DLG2: variants seen among roughly 807,000 people sequenced by gnomAD.
DLG2 encodes the protein disks large homolog 2.
In DLG2, 45 loss-of-function variants were observed where a neutral mutation model predicts 132.5. That is an observed-to-expected ratio of 0.34 (90% confidence interval 0.27 to 0.44). The LOEUF (loss-of-function observed/expected upper bound fraction) is 0.44. Among genes scored for constraint, DLG2 ranks in the 20% least tolerant of loss-of-function variants. The pLI, the probability that DLG2 is intolerant of heterozygous loss-of-function variation, is 1.00. For synonymous variants in DLG2, 424 were observed against 419.6 expected (o/e 1.01, Z -0.13); for missense variants, 1,045 against 1,196.9 (o/e 0.87, Z 1.87).
rs374015051 is a variant in DLG2, at chr11:85,417,900, T to C, written c.41-132535A>G. 1.4e-3 allele frequency among the ~76,000 whole-genome samples: 218 copies of C among 152,274 alleles called. 1 individual carries two copies. Among genetic ancestry groups the C allele is most frequent in the African/African-American group, 5.2e-3 (217 of 41,570 alleles). ...AACAAAAAAACAGCTCCTGGATTCA[T>C]TGATTTTTTTGAAGGGTTTTTAATG... is the stretch of plus-strand genomic sequence containing the variant. On this transcript the variant is annotated intron_variant, in intron 3 of 27. Transcript: ENST00000376104.
At chr11:85,554,063 G>GA (rs1482491522) in intron 3 of DLG2, among the ~76,000 whole-genome samples, 13 of 150,582 alleles carry the variant, frequency 8.6e-5, no homozygotes, top group Admixed American at 2.0e-4. Flanking sequence ...TATTTGAGAA[G>GA]AAAAAATACT....
At chr11:84,128,917 T>C (rs2094299840) in intron 9 of DLG2, among the ~76,000 whole-genome samples, 1 of 152,164 alleles carries the variant, frequency 6.6e-6, no homozygotes. Context: ...TTTTTTGGCA[T>C]GTTCTGCTAG....
At chr11:84,771,021 A>G (rs1342035163) in intron 6 of DLG2, among the ~76,000 whole-genome samples, 1 of 152,096 alleles carries the variant, frequency 6.6e-6, no homozygotes, top group Non-Finnish European at 1.5e-5. Context: ...TATCCAGACA[A>G]CTATTTATGG....
At chr11:83,782,125 A>G (rs529180078) in intron 18 of DLG2, among the ~76,000 whole-genome samples, 1 of 152,290 alleles carries the variant, frequency 6.6e-6, no homozygotes, top group East Asian at 1.9e-4. Context: ...GAAAACCAAA[A>G]GGCACCATCT....
intron 5 of DLG2, among the ~76,000 whole-genome samples, chr11:85,139,745 T>C (rs1232718663): frequency 6.6e-6 from 1 of 152,022 alleles, no homozygotes; most frequent in African/African-American, 2.4e-5. Flanking sequence ...TCATAGTACA[T>C]ATCTGCTAGT....
At chr11:85,092,034 T>C (rs931488760) in intron 6 of DLG2, among the ~76,000 whole-genome samples, 1 of 152,202 alleles carries the variant, frequency 6.6e-6, no homozygotes, top group Non-Finnish European at 1.5e-5. Context: ...ATGGCAGCAA[T>C]AGGCTTATGG....
chr11:84,961,526 T>TTGTGTGTGTGTG (rs71465017), intron 6 of DLG2, among the ~76,000 whole-genome samples: 2 of 143,786 alleles, frequency 1.4e-5, no homozygotes, highest in Non-Finnish European at 3.1e-5. Flanking sequence ...AATTGTATCT[T>TTGTGTGTGTGTG]TGTGTGTGTG....
chr11:84,973,527 G>T (rs592599), intron 6 of DLG2, among the ~76,000 whole-genome samples: 23 of 152,100 alleles, frequency 1.5e-4, no homozygotes, highest in Admixed American at 2.6e-4. Flanking sequence ...GTCAGCAAAA[G>T]GTAATCCGAG....
intron 6 of DLG2, among the ~76,000 whole-genome samples, chr11:84,833,061 T>TAC (rs2079243585): frequency 9.8e-6 from 1 of 102,330 alleles, no homozygotes; most frequent in Non-Finnish European, 2.4e-5. Context: ...CAAAATGAAC[T>TAC]ATAGAAAAAT....
At chr11:85,093,054 C>G (rs75702670) in intron 6 of DLG2, among the ~76,000 whole-genome samples, 2,973 of 152,280 alleles carry the variant, frequency 0.02, 51 homozygotes, top group Admixed American at 0.041. Flanking sequence ...CAATTACACT[C>G]CTTTTAGACA....
At chr11:85,353,238 T>C (rs1015136272) in intron 3 of DLG2, among the ~76,000 whole-genome samples, 4 of 152,010 alleles carry the variant, frequency 2.6e-5, no homozygotes, top group Non-Finnish European at 5.9e-5. Context: ...TGTGAAAAAA[T>C]GCTCATCATT....
At chr11:85,126,874 T>C (rs1022983424) in intron 5 of DLG2, among the ~76,000 whole-genome samples, 4 of 152,174 alleles carry the variant, frequency 2.6e-5, no homozygotes, top group Non-Finnish European at 4.4e-5. Flanking sequence ...TAGGTACCCT[T>C]TCATGGATGA....
At chr11:85,101,580 T>G (rs349084) in intron 6 of DLG2, among the ~76,000 whole-genome samples, 77,864 of 151,898 alleles carry the variant, frequency 0.51, 20,367 homozygotes, top group East Asian at 0.66. Context: ...GTACTTTTTT[T>G]GACACAGAAA....
At chr11:84,413,265 C>T (rs1215404878) in intron 7 of DLG2, among the ~76,000 whole-genome samples, 2 of 152,148 alleles carry the variant, frequency 1.3e-5, no homozygotes, top group Non-Finnish European at 2.9e-5. Context: ...CATGTCTCCA[C>T]CTGAATCTGC....
At position 85,150,010 on chromosome 11, in the gene DLG2, A is replaced by ATTTTTTTTT. The variant is rs962380618; in HGVS notation, c.282+4537_282+4545dup. Among the ~76,000 whole-genome samples, 188 of 112,308 alleles carry ATTTTTTTTT rather than the reference A, an allele frequency of 1.7e-3. 6 individuals are homozygous for ATTTTTTTTT. The highest frequency in any genetic ancestry group is 6.6e-3 in the African/African-American group (172 of 26,098). 73.7% of individuals were successfully genotyped at this position (112,308 alleles called of 152,430 possible). A position where few individuals can be genotyped will look rare whatever the true frequency, so the allele number is the denominator to read the frequency against. ...ATTAACTCAAAAACATCAGTTTTTA[A>ATTTTTTTTT]TTTTTTTTTTTTTTTTTTTTTTTTT... On this transcript the variant is annotated intron_variant, in intron 5 of 27. Transcript: ENST00000376104.
intron 6 of DLG2, among the ~76,000 whole-genome samples, chr11:85,054,497 T>C (rs934750780): frequency 2.0e-5 from 3 of 152,170 alleles, no homozygotes; most frequent in Non-Finnish European, 4.4e-5. Flanking sequence ...AACTACCATT[T>C]AACCCAGCAG....
chr11:84,948,629 A>G (rs1436432986), intron 6 of DLG2, among the ~76,000 whole-genome samples: 1 of 152,224 alleles, frequency 6.6e-6, no homozygotes, highest in Admixed American at 6.5e-5. Context: ...AAGGGCTTCA[A>G]TGTCAGAAAC....
At chr11:83,736,738 G>A (rs189483712) in intron 18 of DLG2, among the ~76,000 whole-genome samples, 46 of 151,946 alleles carry the variant, frequency 3.0e-4, no homozygotes, top group African/African-American at 1.1e-3. Context: ...AGAATAAGAA[G>A]AAGAAGAAAA....
intron 6 of DLG2, among the ~76,000 whole-genome samples, chr11:84,694,252 G>A (rs1319434051): frequency 4.0e-5 from 6 of 151,548 alleles, no homozygotes; most frequent in African/African-American, 1.5e-4. Context: ...TAAGAGAGCT[G>A]TGGTTATGTT....
Sources: allele counts gnomAD v4.1 joint callset (sites outside exome capture counted in the v4.1 genomes callset), GRCh38; gene constraint gnomAD v4.1.1; transcripts MANE v1.5; gene names NCBI Gene and HGNC (gene_info 2026-07-23, HGNC 2026-07-21).